The following ING3 variants were observed in gnomAD, a reference collection of about 807,000 sequenced individuals.
ING3 encodes inhibitor of growth protein 3.
A neutral mutation model predicts 64.8 loss-of-function variants in ING3; 6 were observed. That is an observed-to-expected ratio of 0.09 (90% CI 0.05 to 0.18). ING3 has a LOEUF of 0.18. Among genes scored for constraint, ING3 ranks in the 10% least tolerant of loss-of-function variants. The pLI is 1.00. For synonymous variants in ING3, 170 were observed against 173.7 expected (o/e 0.98, Z 0.17); for missense variants, 310 against 489.7 (o/e 0.63, Z 3.46).
chr7:120,974,946 C>A lies in ING3; in HGVS notation c.*102C>A. The stretch of plus-strand genomic sequence containing the variant: ...AAAGAAGAAACAATGCATTTCCAGG[C>A]AACCACTTAAAGGATTTACATAGAC... On this transcript the variant is annotated 3_prime_UTR_variant, in exon 12 of 12. Transcript: ENST00000315870. The A allele has an allele frequency of 1.4e-6, 1 of 736,036 alleles. No homozygotes were observed. Among genetic ancestry groups the A allele is most frequent in the Non-Finnish European group, 2.2e-6 (1 of 455,806 alleles). 45.6% of individuals were successfully genotyped at this position (736,036 alleles called of 1,614,324 possible).
chr7:120,955,590 A>G lies in ING3; in HGVS notation c.233A>G (p.Glu78Gly). The G allele has an allele frequency of 5.0e-6, 8 of 1,612,002 alleles. No individual in the cohort carries two copies. The highest frequency in any genetic ancestry group is 6.8e-6 in the Non-Finnish European group (8 of 1,178,120). Residue 78 changes from glutamate to glycine, a missense_variant, in exon 4 of 12, where the codon GAG (glutamate) becomes GGG (glycine). Physicochemically the swap from Glu to Gly is moderately conservative, Grantham distance 98. Coordinates refer to ENST00000315870, the MANE Select transcript of ING3 (RefSeq NM_019071.3). ...TATAAAGCTTTGGAAGATGCAGATG[A>G]GAAGGTTCAGTTGGCAAACCAGATA... is the stretch of plus-strand genomic sequence containing the variant. ...DYYKALEDAD[E>G]KVQLANQIYD...
rs938243621 is a variant in ING3, at chr7:120,975,987, G to T, written c.*1143G>T. 1 of 152,110 alleles carries T rather than the reference G, an allele frequency of 6.6e-6. No homozygotes were observed. The highest frequency in any genetic ancestry group is 1.9e-4 in the East Asian group (1 of 5,188). 9.4% of individuals were successfully genotyped at this position (152,110 alleles called of 1,614,324 possible). A position where few individuals can be genotyped will look rare whatever the true frequency, so the allele number is the denominator to read the frequency against. On this transcript the variant is annotated 3_prime_UTR_variant, in exon 12 of 12. Coordinates refer to ENST00000315870, the MANE Select transcript of ING3 (RefSeq NM_019071.3). ...GCAATGTAGCCAAATAGAGTAAAGA[G>T]ACCCCCCTGGTCGGGAGCTCCAAAT...
At chr7:120,970,499 A>C (rs1457817646) in intron 9 of ING3, among the ~76,000 whole-genome samples, 189 bp from the exon 10 acceptor site, 2 of 152,086 alleles carry the variant, frequency 1.3e-5, no homozygotes, top group African/African-American at 4.8e-5. Context: ...ATGTCTGTAA[A>C]GTAGCCAGAA....
At chr7:120,961,749 TA>T (rs1795936642) in intron 4 of ING3, among the ~76,000 whole-genome samples, 1 of 152,238 alleles carries the variant, frequency 6.6e-6, no homozygotes, top group African/African-American at 2.4e-5. Context: ...TATAGGAGTT[TA>T]AACTTAAAGC....
chr7:120,961,560 C>T (rs547260876), intron 4 of ING3, among the ~76,000 whole-genome samples: 1 of 152,160 alleles, frequency 6.6e-6, no homozygotes, highest in African/African-American at 2.4e-5. Flanking sequence ...ATTAGAAAAC[C>T]AGAGAGTCAA....
At chr7:120,966,547 A>G (rs1421067410) in intron 5 of ING3, 79 bp from the exon 6 acceptor site, 5 of 1,059,898 alleles carry the variant, frequency 4.7e-6, no homozygotes, top group Non-Finnish European at 7.4e-6. Flanking sequence ...AAGGGAACTC[A>G]TTGCCTGTAG....
Position 120,964,051 on chromosome 7 carries a change from TATA to T in ING3, c.268-688_268-686del, listed in dbSNP as rs533188215. The stretch of plus-strand genomic sequence containing the variant: ...CATTTTTTGTTAGTTTGAAGTGTCA[TATA>T]ATTTTCTGAAATTAGTCAAAAGATC... On this transcript the variant is annotated intron_variant, in intron 4 of 11. Transcript: ENST00000315870. Among the ~76,000 whole-genome samples, 267 of 152,274 alleles carry T rather than the reference TATA, an allele frequency of 1.8e-3. 1 individual carries two copies. Among genetic ancestry groups the T allele is most frequent in the African/African-American group, 6.2e-3 (256 of 41,568 alleles).
chr7:120,960,184 T>G (rs764034816), intron 4 of ING3, among the ~76,000 whole-genome samples: 1 of 151,948 alleles, frequency 6.6e-6, no homozygotes, highest in African/African-American at 2.4e-5. Flanking sequence ...AGGGCAAAGT[T>G]TGGAGTGGAA....
rs1232809752 is a variant in ING3, at chr7:120,975,370, T to C, written c.*526T>C. 6.6e-6 allele frequency: 1 copy of C among 152,152 alleles called. No individual in the cohort carries two copies. 9.4% of individuals were successfully genotyped at this position (152,152 alleles called of 1,614,324 possible). ...AAGCTTTGTTTCTTTGTGAAACTAA[T>C]TCAGCAGGCTGAAGGAAATGGTTCA... On this transcript the variant is annotated 3_prime_UTR_variant, in exon 12 of 12. Coordinates refer to ENST00000315870, the MANE Select transcript of ING3 (RefSeq NM_019071.3).
At chr7:120,968,121 G>T (rs1187919903) in intron 8 of ING3, 30 bp downstream of exon 8, 2 of 1,589,154 alleles carry the variant, frequency 1.3e-6, no homozygotes, top group Non-Finnish European at 1.7e-6. Context: ...GAGACAAAAT[G>T]TTACATTTTG....
chr7:120,970,425 A>C (rs1016573996), intron 9 of ING3, among the ~76,000 whole-genome samples: 1 of 151,588 alleles, frequency 6.6e-6, no homozygotes, highest in Non-Finnish European at 1.5e-5. Context: ...AGATCGCGCC[A>C]CTGCACTCCA....
chr7:120,973,380 G>T, intron 11 of ING3, 137 bp downstream of exon 11: 1 of 584,336 alleles, frequency 1.7e-6, no homozygotes, highest in Admixed American at 3.1e-5. Flanking sequence ...GCTAATGCTA[G>T]AATATTCCTC....
chr7:120,955,797 G>C, intron 4 of ING3, 173 bp downstream of exon 4: 1 of 608,024 alleles, frequency 1.6e-6, no homozygotes, highest in Non-Finnish European at 2.9e-6. Flanking sequence ...TTGTGGAAAA[G>C]TCAGAGTGGT....
At chr7:120,974,215 A>G (rs146032076) in intron 11 of ING3, among the ~76,000 whole-genome samples, 138 of 152,320 alleles carry the variant, frequency 9.1e-4, no homozygotes, top group African/African-American at 3.2e-3. Flanking sequence ...CTTTCATGAA[A>G]GAGTTTTCTG....
In ING3 at chr7:120,974,317, A is replaced by G. The variant is rs1796107719; in HGVS notation, c.1141-411A>G. ...AATGCAGGGCATAAGACATAAATTA[A>G]TGTCTTTAATTACAATCAGCTTATT... On this transcript the variant is annotated intron_variant, in intron 11 of 11. Transcript: ENST00000315870. 2.0e-5 allele frequency among the ~76,000 whole-genome samples: 3 copies of G among 152,212 alleles called. No individual in the cohort carries two copies. In the South Asian group the frequency reaches 6.2e-4, roughly 31 times the overall value.
Position 120,970,728 on chromosome 7 carries a change from T to C in ING3, c.949T>C (p.Ser317Pro). ...TTCAAGCCAGCAGTCATCATCTTCC[T>C]CCTCCTCTTCTTCCTTATCATCGTG... The part of the protein sequence containing the change: ...KSSSQQSSSS[S>P]SSSSLSSCSS... The change falls in exon 10 of 12, where the codon TCC becomes CCC. Residue 317 changes from serine (S) to proline (P), a missense_variant. By Grantham distance (74) the Ser-to-Pro change is moderately conservative (BLOSUM62 -1). This residue lies in a region of ING3 where 233 missense variants were observed against 289.4 expected (regional missense o/e 0.81). Coordinates refer to ENST00000315870, the MANE Select transcript of ING3 (RefSeq NM_019071.3). 1 of 1,613,314 alleles carries C rather than the reference T, an allele frequency of 6.2e-7. No individual in the cohort carries two copies. Among genetic ancestry groups the C allele is most frequent in the African/African-American group, 1.3e-5 (1 of 75,028 alleles).
intron 7 of ING3, 115 bp from the exon 8 acceptor site, chr7:120,967,819 A>C: frequency 1.6e-6 from 2 of 1,253,010 alleles, no homozygotes; most frequent in South Asian, 2.9e-5. Context: ...CTTAATGTAC[A>C]AGTGACATTA....
At position 120,951,145 on chromosome 7, in the gene ING3, C is replaced by T. The variant is rs1191547329; in HGVS notation, c.29-19C>T. 5 of 1,613,548 alleles carry T rather than the reference C, an allele frequency of 3.1e-6. No homozygotes were observed. In the African/African-American group the frequency reaches 5.3e-5, roughly 17 times the overall value. On this transcript the variant is annotated intron_variant, in intron 1 of 11. Transcript: ENST00000315870. ...TTCGCCGTTGGCCCCGCCCCTCTGA[C>T]GGACTCTCCCTTTGACAGTGATTGA... is the stretch of plus-strand genomic sequence containing the variant.
chr7:120,964,778 G>T lies in ING3; in HGVS notation c.304G>T (p.Ala102Ser). The change falls in exon 5 of 12, where the codon GCT becomes TCT. Residue 102 changes from alanine to serine, a missense_variant. Transcript: ENST00000315870. ...CTTGAGAAAGCTGGATCAGGAACTG[G>T]CTAAGTTTAAAATGGAGCTGGAAGC... ...RHLRKLDQEL[A>S]KFKMELEADN... is the part of the protein sequence containing the mutation. 1 of 1,613,666 alleles carries T rather than the reference G, an allele frequency of 6.2e-7. No individual in the cohort carries two copies. The highest frequency in any genetic ancestry group is 8.5e-7 in the Non-Finnish European group (1 of 1,179,730).
Sources: allele counts gnomAD v4.1 joint callset (sites outside exome capture counted in the v4.1 genomes callset), GRCh38; gene constraint gnomAD v4.1.1; regional missense constraint gnomAD v4.1.1; transcripts MANE v1.5; gene names NCBI Gene and HGNC (gene_info 2026-07-23, HGNC 2026-07-21).